CAMK1D: variants seen among roughly 807,000 people sequenced by gnomAD.
CAMK1D encodes calcium/calmodulin dependent protein kinase ID, also known as calcium/calmodulin-dependent protein kinase type 1D.
A neutral mutation model predicts 47.7 loss-of-function variants in CAMK1D; 9 were observed. The ratio of observed to expected loss-of-function variants is 0.19; its 90% CI spans 0.11 to 0.33. The LOEUF is 0.33. Among genes scored for constraint, CAMK1D ranks in the 10% least tolerant of loss-of-function variants. The probability of loss-of-function intolerance (pLI) is 1.00; values close to 1 mark genes in which losing one functional copy is unlikely to be tolerated. For missense variants in CAMK1D, 291 were observed against 488.7 expected, an observed-to-expected ratio of 0.60 and a Z score of 3.81; for synonymous variants, 184 against 184.9, an observed-to-expected ratio of 0.99 and a Z score of 0.04.
chr10:12,441,928 A>G (rs1209884494), intron 1 of CAMK1D, among the ~76,000 whole-genome samples: 1 of 152,228 alleles, frequency 6.6e-6, no homozygotes, highest in Admixed American at 6.5e-5. Context: ...GCGCTTGATT[A>G]TAGTCAGTTT....
intron 3 of CAMK1D, among the ~76,000 whole-genome samples, chr10:12,751,104 AAGATAAGATAAGAT>A (rs1835949820): frequency 1.5e-5 from 1 of 66,754 alleles, no homozygotes; most frequent in South Asian, 3.8e-4. Flanking sequence ...AAGATAAGAT[AAGATAAGATAAGAT>A]AAGATAAGAA....
chr10:12,701,659 C>T (rs1833523522), intron 3 of CAMK1D, among the ~76,000 whole-genome samples: 1 of 152,256 alleles, frequency 6.6e-6, no homozygotes, highest in African/African-American at 2.4e-5. Flanking sequence ...ACCTTCATGT[C>T]ATTTCCCAGT....
chr10:12,783,598 G>A (rs1439638525), intron 5 of CAMK1D, among the ~76,000 whole-genome samples: 1 of 152,180 alleles, frequency 6.6e-6, no homozygotes, highest in Non-Finnish European at 1.5e-5. Context: ...TGATTACCAC[G>A]AGCCCCACAC....
At chr10:12,651,966 A>G (rs1298398838) in intron 2 of CAMK1D, among the ~76,000 whole-genome samples, 4 of 151,456 alleles carry the variant, frequency 2.6e-5, no homozygotes, top group African/African-American at 9.7e-5. Flanking sequence ...TTTTCAGTAG[A>G]GATGGGGTTT....
At chr10:12,800,180 C>G (rs41402449) in intron 6 of CAMK1D, among the ~76,000 whole-genome samples, 6,747 of 152,284 alleles carry the variant, frequency 0.044, 171 homozygotes, top group Non-Finnish European at 0.054. Context: ...CGCACACAAT[C>G]AAATATACGG....
intron 5 of CAMK1D, among the ~76,000 whole-genome samples, chr10:12,785,153 T>G (rs2130979062): frequency 6.6e-6 from 1 of 152,344 alleles, no homozygotes; most frequent in African/African-American, 2.4e-5. Flanking sequence ...AGGCTGGACG[T>G]GCCGACTGGC....
At chr10:12,368,735 C>G (rs1837920699) in intron 1 of CAMK1D, among the ~76,000 whole-genome samples, 1 of 143,398 alleles carries the variant, frequency 7.0e-6, no homozygotes, top group Non-Finnish European at 1.5e-5. Context: ...CAGAGTAAGA[C>G]CCTGTCTCAA....
chr10:12,584,039 C>G (rs970796388), intron 2 of CAMK1D, among the ~76,000 whole-genome samples: 7 of 152,154 alleles, frequency 4.6e-5, no homozygotes, highest in African/African-American at 1.7e-4. Flanking sequence ...TTTCTTCACC[C>G]TGGGAGCACC....
intron 1 of CAMK1D, among the ~76,000 whole-genome samples, chr10:12,371,603 A>G (rs1269821702): frequency 6.7e-6 from 1 of 149,760 alleles, no homozygotes; most frequent in Non-Finnish European, 1.5e-5. Flanking sequence ...AAAAAACAAA[A>G]AAAAACTTTT....
intron 1 of CAMK1D, among the ~76,000 whole-genome samples, chr10:12,417,909 C>T (rs1478144415): frequency 6.6e-6 from 1 of 151,794 alleles, no homozygotes; most frequent in Non-Finnish European, 1.5e-5. Context: ...TCAGGTGATT[C>T]TCCTGCCTCA....
chr10:12,724,443 C>G (rs1353584222), intron 3 of CAMK1D, among the ~76,000 whole-genome samples: 1 of 152,206 alleles, frequency 6.6e-6, no homozygotes, highest in African/African-American at 2.4e-5. Flanking sequence ...GGAGTCACTT[C>G]ACTTACAGGA....
chr10:12,810,276 CT>C (rs36022032), intron 6 of CAMK1D, among the ~76,000 whole-genome samples: 46 of 126,194 alleles, frequency 3.6e-4, no homozygotes, highest in Admixed American at 5.1e-4. Context: ...CCTAGCACCA[CT>C]TTTTTTTTTT....
chr10:12,461,540 T>G (rs534581507), intron 1 of CAMK1D, among the ~76,000 whole-genome samples: 2 of 151,918 alleles, frequency 1.3e-5, no homozygotes, highest in African/African-American at 4.8e-5. Context: ...AATACAAAAA[T>G]TAGCTGGGTG....
chr10:12,468,865 GTTTT>G (rs1398292529), intron 1 of CAMK1D, among the ~76,000 whole-genome samples: 2 of 152,162 alleles, frequency 1.3e-5, no homozygotes, highest in Admixed American at 6.5e-5. Flanking sequence ...TCATGGGGTT[GTTTT>G]TCTTATTGGA....
chr10:12,464,738 C>G (rs1833540538), intron 1 of CAMK1D, among the ~76,000 whole-genome samples: 2 of 151,740 alleles, frequency 1.3e-5, no homozygotes, highest in Admixed American at 1.3e-4. Flanking sequence ...TGGCATGAAC[C>G]CGGGAGGCGG....
chr10:12,577,644 G>A (rs965894057), intron 2 of CAMK1D, among the ~76,000 whole-genome samples: 2 of 152,080 alleles, frequency 1.3e-5, no homozygotes, highest in Non-Finnish European at 2.9e-5. Context: ...TTGCTGCTAA[G>A]CCACCAGTTC....
At chr10:12,350,131 C>G (rs931555698) in intron 1 of CAMK1D, among the ~76,000 whole-genome samples, 3 of 152,012 alleles carry the variant, frequency 2.0e-5, no homozygotes, top group Non-Finnish European at 4.4e-5. Flanking sequence ...GGGGCAGCGC[C>G]GGGCTGTCAG....
intron 3 of CAMK1D, among the ~76,000 whole-genome samples, chr10:12,742,121 T>C (rs570763993): frequency 4.7e-4 from 72 of 152,320 alleles, no homozygotes; most frequent in African/African-American, 1.6e-3. Flanking sequence ...TGTTTTTGTG[T>C]TTTAACACGT....
intron 6 of CAMK1D, among the ~76,000 whole-genome samples, chr10:12,801,672 T>C (rs1163259534): frequency 2.0e-5 from 3 of 152,220 alleles, no homozygotes; most frequent in Non-Finnish European, 4.4e-5. Context: ...TTCATATCTA[T>C]ATCTATCTTC....
Sources: allele counts gnomAD v4.1 joint callset (sites outside exome capture counted in the v4.1 genomes callset), GRCh38; gene constraint gnomAD v4.1.1; transcripts MANE v1.5; gene names NCBI Gene and HGNC (gene_info 2026-07-23, HGNC 2026-07-21).